RBM39: variants seen among roughly 807,000 people sequenced by gnomAD.
RBM39 encodes the protein RNA-binding protein 39.
In RBM39, 12 loss-of-function variants were observed where a neutral mutation model predicts 79.6. That is an observed-to-expected ratio of 0.15 (90% CI 0.10 to 0.24). RBM39 has a LOEUF of 0.24. Ranked by LOEUF, RBM39 falls within the 10% of genes least tolerant of loss-of-function variation. The pLI, the probability that RBM39 is intolerant of heterozygous loss-of-function variation, is 1.00. For missense variants in RBM39, 243 were observed against 653.4 expected, an observed-to-expected ratio of 0.37 and a Z score of 6.85; for synonymous variants, 185 against 208.4, an observed-to-expected ratio of 0.89 and a Z score of 0.97.
chr20:35,722,246 A>C (rs1334535904), intron 8 of RBM39, among the ~76,000 whole-genome samples: 2 of 151,846 alleles, frequency 1.3e-5, no homozygotes, highest in South Asian at 2.1e-4. Context: ...TCTCTACCAA[A>C]TATAGAAAAA....
intron 3 of RBM39, chr20:35,734,294 T>C (rs1436926690): frequency 1.7e-6 from 2 of 1,166,980 alleles, no homozygotes; most frequent in South Asian, 2.6e-5. Flanking sequence ...CTGTCAGAAA[T>C]GTATATGCTA....
In RBM39 at chr20:35,701,900, T is replaced by C. The variant is rs374274333; in HGVS notation, c.*2581A>G. On this transcript the variant is annotated 3_prime_UTR_variant, in exon 17 of 17. Coordinates refer to ENST00000253363, the MANE Select transcript of RBM39 (RefSeq NM_184234.3). ...ATAAGGCACCACGTCCAGCCCGAGGTTGTTATTTAGATATACCTAGTGGCT... is the reference window on the plus strand; with the variant it reads ...ATAAGGCACCACGTCCAGCCCGAGGCTGTTATTTAGATATACCTAGTGGCT... The C allele has an allele frequency of 5.1e-5, 7 of 136,034 alleles. No homozygotes were observed. The highest frequency in any genetic ancestry group is 2.1e-4 in the African/African-American group (7 of 32,566). 8.4% of individuals were successfully genotyped at this position (136,034 alleles called of 1,614,324 possible). A position where few individuals can be genotyped will look rare whatever the true frequency, so the allele number is the denominator to read the frequency against.
At chr20:35,719,539 T>C (rs1271121013) in intron 9 of RBM39, among the ~76,000 whole-genome samples, 1 of 151,582 alleles carries the variant, frequency 6.6e-6, no homozygotes. Context: ...TAGCTGGGCG[T>C]TGTGGTCAGA....
At chr20:35,717,134 T>C (rs1052250559) in intron 9 of RBM39, among the ~76,000 whole-genome samples, 2 of 151,924 alleles carry the variant, frequency 1.3e-5, no homozygotes, top group African/African-American at 4.8e-5. Flanking sequence ...ACAAAAATTG[T>C]CTGGGCTTGG....
chr20:35,728,076 C>T (rs1209366046), intron 6 of RBM39, among the ~76,000 whole-genome samples: 1 of 152,150 alleles, frequency 6.6e-6, no homozygotes, highest in South Asian at 2.1e-4. Flanking sequence ...CGTGAGCCAC[C>T]GGGCCTGGCC....
chr20:35,742,031 G>T lies in RBM39; in HGVS notation c.-104C>A, dbSNP rs1364415276. On this transcript the variant is annotated 5_prime_UTR_variant, in exon 1 of 17. Transcript: ENST00000253363. ...TGCTGCCGCCGCCGCCGCTTCTGTT[G>T]CTACTGTTAAGCCCCTAGGCCCAGG... 2.8e-5 allele frequency: 7 copies of T among 246,732 alleles called. No individual in the cohort carries two copies. The highest frequency in any genetic ancestry group is 9.5e-5 in the African/African-American group (4 of 42,292). The allele number at this position is 246,732 out of a possible 1,614,324, so 15.3% of individuals were successfully genotyped here.
At chr20:35,723,645 C>T (rs1464265254) in intron 8 of RBM39, among the ~76,000 whole-genome samples, 1 of 152,120 alleles carries the variant, frequency 6.6e-6, no homozygotes, top group Non-Finnish European at 1.5e-5. Context: ...ACCATGTTGG[C>T]CAGGCTGGTC....
At chr20:35,728,430 AAAT>A (rs1256173463) in intron 6 of RBM39, among the ~76,000 whole-genome samples, 3 of 152,196 alleles carry the variant, frequency 2.0e-5, no homozygotes, top group Non-Finnish European at 4.4e-5. Flanking sequence ...TGTCCATTAA[AAAT>A]AATAAATGCA....
At chr20:35,741,024 ATTTTTCT>A in intron 1 of RBM39, 137 bp from the exon 2 acceptor site, 2 of 76,918 alleles carry the variant, frequency 2.6e-5, no homozygotes, top group Non-Finnish European at 4.9e-5. Context: ...GTGAGTAAAC[ATTTTTCT>A]TTTTTTTTTT....
intron 3 of RBM39, among the ~76,000 whole-genome samples, chr20:35,737,615 C>A (rs1222696093): frequency 1.3e-5 from 2 of 151,608 alleles, no homozygotes; most frequent in Admixed American, 6.6e-5. Context: ...GTAATCCCAG[C>A]ACTTTTGGAG....
chr20:35,705,137 G>A lies in RBM39; in HGVS notation c.1413+88C>T, dbSNP rs568495760. 332 of 786,906 alleles carry A rather than the reference G, an allele frequency of 4.2e-4. 2 individuals carry two copies. The South Asian group carries it at 5.0e-3, about 12-fold the overall frequency. 48.7% of individuals were successfully genotyped at this position (786,906 alleles called of 1,614,324 possible). ...ACACACAAAAACTATAATGGAAGAC[G>A]GTTAACCATAACATGCACCACATAA... On this transcript the variant is annotated intron_variant, in intron 15 of 16. Transcript: ENST00000253363.
chr20:35,732,152 T>G lies in RBM39; in HGVS notation c.102-17A>C, dbSNP rs777237693. On this transcript the variant is annotated splice_polypyrimidine_tract_variant and intron_variant, in intron 3 of 16. Coordinates refer to ENST00000253363, the MANE Select transcript of RBM39 (RefSeq NM_184234.3). ...TTTTTCCTCCTGAGAAGAAAAAAAC[T>G]CGCCATTATCATGCTGGCTTAAGAA... 1 of 1,612,984 alleles carries G rather than the reference T, an allele frequency of 6.2e-7. No individual in the cohort carries two copies. Among genetic ancestry groups the G allele is most frequent in the East Asian group, 2.2e-5 (1 of 44,882 alleles).
intron 14 of RBM39, among the ~76,000 whole-genome samples, chr20:35,706,733 T>C (rs1451884507): frequency 2.6e-5 from 4 of 151,992 alleles, no homozygotes; most frequent in African/African-American, 9.7e-5. Flanking sequence ...TCAAATGAAA[T>C]ACGGAAATAC....
chr20:35,729,590 T>G (rs988771459), intron 4 of RBM39, 63 bp from the exon 5 acceptor site: 4 of 1,432,682 alleles, frequency 2.8e-6, no homozygotes, highest in Admixed American at 3.6e-5. Context: ...ATCGCATTCA[T>G]GCGCTCTCCA....
intron 14 of RBM39, among the ~76,000 whole-genome samples, 190 bp downstream of exon 14, chr20:35,706,930 G>GGCAGGAGAATCGCTTGAAC (rs2035801639): frequency 1.3e-5 from 2 of 150,938 alleles, no homozygotes; most frequent in African/African-American, 4.9e-5. Context: ...GGAAGGCTGA[G>GGCAGGAGAATCGCTTGAAC]GCAGGAGAAT....
At chr20:35,715,450 A>G (rs990845451) in intron 10 of RBM39, among the ~76,000 whole-genome samples, 2 of 152,214 alleles carry the variant, frequency 1.3e-5, no homozygotes, top group African/African-American at 4.8e-5. Flanking sequence ...TGCTGGCATC[A>G]CAGGCGTGAG....
chr20:35,722,774 A>G (rs1259997108), intron 8 of RBM39, among the ~76,000 whole-genome samples: 1 of 151,740 alleles, frequency 6.6e-6, no homozygotes, highest in Non-Finnish European at 1.5e-5. Context: ...TCTACTAAAA[A>G]TACAAAAAAA....
rs144955353 is a variant in RBM39, at chr20:35,730,769, A to C, written c.296+1172T>G. ...TTTTAAAAATGCTCAGAATCTTGAT[A>C]AATGGGACAAAAGCAGAGAAGTTCC... On this transcript the variant is annotated intron_variant, in intron 4 of 16. Transcript: ENST00000253363. Among the ~76,000 whole-genome samples the C allele has an allele frequency of 5.4e-3, 816 of 152,240 alleles. 4 individuals carry two copies. Among genetic ancestry groups the C allele is most frequent in the Non-Finnish European group, 8.6e-3 (584 of 67,986 alleles).
intron 6 of RBM39, among the ~76,000 whole-genome samples, chr20:35,728,003 G>A (rs2038947713): frequency 6.6e-6 from 1 of 151,952 alleles, no homozygotes; most frequent in South Asian, 2.1e-4. Context: ...AGCCAGGCTG[G>A]TCTCGATCTC....
Sources: allele counts gnomAD v4.1 joint callset (sites outside exome capture counted in the v4.1 genomes callset), GRCh38; gene constraint gnomAD v4.1.1; transcripts MANE v1.5; gene names NCBI Gene and HGNC (gene_info 2026-07-23, HGNC 2026-07-21).